SPATA13: variants seen among roughly 807,000 people sequenced by gnomAD.
SPATA13 encodes spermatogenesis-associated protein 13.
SPATA13 carries 50 observed loss-of-function variants against 104.0 expected under a neutral mutation model. That is an observed-to-expected ratio of 0.48 (90% CI 0.38 to 0.61). SPATA13 has a LOEUF of 0.61. Ranked by LOEUF, SPATA13 falls within the 20% of genes least tolerant of loss-of-function variation. SPATA13 has a pLI of 0.00. For synonymous variants in SPATA13, 606 were observed against 667.5 expected (o/e 0.91, Z 1.42); for missense variants, 1,524 against 1,690.6 (o/e 0.90, Z 1.73).
Position 24,302,684 on chromosome 13 carries a change from C to T in SPATA13, c.3745C>T (p.Gln1249Ter). 1 of 1,614,158 alleles carries T rather than the reference C, an allele frequency of 6.2e-7. No individual in the cohort carries two copies. The highest frequency in any genetic ancestry group is 2.2e-5 in the East Asian group (1 of 44,872). The change falls in exon 13 of 13, where the codon CAG (glutamine) becomes TAG (stop). Residue 1249 changes from glutamine (Q) to a stop codon, truncating the protein, a stop_gained. Transcript: ENST00000382108. LOFTEE classifies it high-confidence loss of function. ...RHITMPTSVP[Q>*]QQVFGLAEPK... ...CATCACTATGCCCACAAGCGTCCCC[C>T]AGCAGCAGGTCTTTGGCCTGGCGGA...
At chr13:24,209,396 A>G (rs1306738251) in intron 1 of SPATA13, among the ~76,000 whole-genome samples, 1 of 152,186 alleles carries the variant, frequency 6.6e-6, no homozygotes, top group Non-Finnish European at 1.5e-5. Flanking sequence ...GAATTAAGAG[A>G]TGAAAAGACA....
intron 2 of SPATA13, among the ~76,000 whole-genome samples, chr13:23,990,095 T>C (rs975920556): frequency 2.0e-5 from 3 of 152,224 alleles, no homozygotes; most frequent in Non-Finnish European, 4.4e-5. Flanking sequence ...GTCTCTCCAG[T>C]GTCCAGTGTG....
At chr13:24,073,321 A>G (rs1011171390) in intron 3 of SPATA13, among the ~76,000 whole-genome samples, 2 of 152,246 alleles carry the variant, frequency 1.3e-5, no homozygotes, top group African/African-American at 2.4e-5. Context: ...CTCTTCATCA[A>G]CTAGGGCCCA....
chr13:24,211,751 C>T (rs1871028479), intron 1 of SPATA13, among the ~76,000 whole-genome samples: 2 of 152,072 alleles, frequency 1.3e-5, no homozygotes. Context: ...GCCTCTGCTG[C>T]CAGAACTTCT....
chr13:24,178,225 A>G (rs550744558), intron 1 of SPATA13, among the ~76,000 whole-genome samples: 1 of 152,326 alleles, frequency 6.6e-6, no homozygotes, highest in African/African-American at 2.4e-5. Context: ...AAACGTTCCA[A>G]TAATAACAGC....
intron 1 of SPATA13, among the ~76,000 whole-genome samples, chr13:24,207,571 C>T (rs1002304741): frequency 2.0e-5 from 3 of 152,226 alleles, no homozygotes; most frequent in African/African-American, 7.2e-5. Flanking sequence ...CGTTTCTCCA[C>T]ATCCCTACCA....
chr13:23,999,390 G>C (rs1434271711), intron 2 of SPATA13, among the ~76,000 whole-genome samples: 11 of 35,864 alleles, frequency 3.1e-4, no homozygotes, highest in South Asian at 6.3e-4. Flanking sequence ...AAAAAAAAAA[G>C]CCTGTTCGGA....
intron 3 of SPATA13, among the ~76,000 whole-genome samples, chr13:24,141,234 AG>A: frequency 6.6e-6 from 1 of 151,950 alleles, no homozygotes; most frequent in East Asian, 1.9e-4. Flanking sequence ...TAATTCCAAC[AG>A]TTTAGGAGGT....
intron 3 of SPATA13, among the ~76,000 whole-genome samples, chr13:24,043,559 T>C (rs1211653816): frequency 6.6e-6 from 1 of 152,184 alleles, no homozygotes; most frequent in African/African-American, 2.4e-5. Flanking sequence ...TCACTGGTAA[T>C]CTCCAGCTTA....
At chr13:24,052,793 C>A (rs1252285377) in intron 3 of SPATA13, among the ~76,000 whole-genome samples, 2 of 150,086 alleles carry the variant, frequency 1.3e-5, no homozygotes, top group African/African-American at 4.9e-5. Flanking sequence ...CAGCCAGCAG[C>A]TCAGGGGCCC....
chr13:24,168,818 A>G (rs1450308469), intron 1 of SPATA13, among the ~76,000 whole-genome samples: 1 of 152,150 alleles, frequency 6.6e-6, no homozygotes, highest in Non-Finnish European at 1.5e-5. Context: ...TATTTAAATA[A>G]GGAAAGTTAA....
At chr13:23,984,337 T>G (rs1381007055) in intron 2 of SPATA13, among the ~76,000 whole-genome samples, 1 of 152,226 alleles carries the variant, frequency 6.6e-6, no homozygotes, top group African/African-American at 2.4e-5. Flanking sequence ...TCTCCTTAAC[T>G]TCCTTCATTA....
At chr13:24,158,647 A>C (rs1324117831), upstream of SPATA13, among the ~76,000 whole-genome samples, 1 of 152,192 alleles carries the variant, frequency 6.6e-6, no homozygotes, top group African/African-American at 2.4e-5. Flanking sequence ...AAAGGTTTTC[A>C]CTGAAACCCT....
chr13:24,002,558 G>T (rs1218485596), intron 2 of SPATA13, among the ~76,000 whole-genome samples: 3 of 152,148 alleles, frequency 2.0e-5, no homozygotes, highest in Non-Finnish European at 4.4e-5. Context: ...GGTCAGGGGG[G>T]TGAGTGTGTT....
At position 24,123,507 on chromosome 13, in the gene SPATA13, C is replaced by T. The variant is rs1382324636; in HGVS notation, c.-111-99312C>T. 8 of 1,610,258 alleles carry T rather than the reference C, an allele frequency of 5.0e-6. No homozygotes were observed. In the Middle Eastern group the frequency reaches 9.8e-4, roughly 196 times the overall value. On this transcript the variant is annotated intron_variant, in intron 3 of 14. Coordinates refer to the SPATA13 transcript ENST00000424834. ...GAAAGAGCCAATCATATGCAGGGCT[C>T]CATCTTTTTTTCGAGGGTCAGCATT...
intron 3 of SPATA13, chr13:24,122,773 G>T: frequency 1.3e-6 from 1 of 794,044 alleles, no homozygotes; most frequent in Non-Finnish European, 2.3e-6. Flanking sequence ...AATACAAGGG[G>T]AAGTAGCTGC....
upstream of SPATA13, among the ~76,000 whole-genome samples, chr13:24,157,163 C>T (rs1418716972): frequency 1.3e-5 from 2 of 152,134 alleles, no homozygotes; most frequent in Admixed American, 1.3e-4. Flanking sequence ...TTCTCCCAGC[C>T]GTAGTCTGGG....
At chr13:24,108,251 T>C (rs1257349816) in intron 3 of SPATA13, among the ~76,000 whole-genome samples, 1 of 152,264 alleles carries the variant, frequency 6.6e-6, no homozygotes, top group East Asian at 1.9e-4. Flanking sequence ...TGCCAACATA[T>C]TGTTGATTAC....
At chr13:24,026,039 G>A (rs557903971) in intron 3 of SPATA13, among the ~76,000 whole-genome samples, 3 of 152,134 alleles carry the variant, frequency 2.0e-5, no homozygotes, top group South Asian at 4.1e-4. Flanking sequence ...TCTGGACCTC[G>A]TGATCCACCT....
Sources: gnomAD v4.1 joint callset for allele counts (sites outside exome capture counted in the v4.1 genomes callset) on GRCh38, gnomAD v4.1.1 for gene constraint, MANE v1.5 for transcripts, NCBI Gene and HGNC (gene_info 2026-07-23, HGNC 2026-07-21) for gene names.